The following CCSER1 variants were observed in gnomAD, a reference collection of about 807,000 sequenced individuals.
CCSER1 encodes the protein coiled-coil serine rich protein 1.
CCSER1 carries 41 observed loss-of-function variants against 82.0 expected under a neutral mutation model. That is an observed-to-expected ratio of 0.50 (90% CI 0.39 to 0.65). The LOEUF (loss-of-function observed/expected upper bound fraction) is 0.65. Ranked by LOEUF, CCSER1 falls within the 30% of genes least tolerant of loss-of-function variation. The pLI, the probability that CCSER1 is intolerant of heterozygous loss-of-function variation, is 0.00. For synonymous variants in CCSER1, 414 were observed against 383.9 expected (o/e 1.08, Z -0.92); for missense variants, 1,119 against 1,064.2 (o/e 1.05, Z -0.72).
chr4:90,620,023 T>A (rs1194854560), intron 5 of CCSER1, among the ~76,000 whole-genome samples: 1 of 152,144 alleles, frequency 6.6e-6, no homozygotes, highest in African/African-American at 2.4e-5. Flanking sequence ...GGAGTTTGTA[T>A]GATCAGTTTT....
intron 8 of CCSER1, among the ~76,000 whole-genome samples, chr4:90,854,635 A>G (rs1764259604): frequency 6.6e-6 from 1 of 152,020 alleles, no homozygotes; most frequent in Admixed American, 6.6e-5. Flanking sequence ...ATCATTTGAG[A>G]TATTTCCTTT....
At chr4:90,187,764 G>T (rs1400453907) in intron 1 of CCSER1, among the ~76,000 whole-genome samples, 1 of 151,930 alleles carries the variant, frequency 6.6e-6, no homozygotes, top group East Asian at 1.9e-4. Context: ...TGAATATAGT[G>T]TCTTGAAGGA....
chr4:90,866,085 G>A (rs527757391), intron 8 of CCSER1, among the ~76,000 whole-genome samples: 3 of 151,806 alleles, frequency 2.0e-5, no homozygotes, highest in South Asian at 4.2e-4. Flanking sequence ...CTCATGATTC[G>A]ATTACCTCCC....
At chr4:91,172,425 T>G (rs894954332) in intron 10 of CCSER1, among the ~76,000 whole-genome samples, 3 of 152,154 alleles carry the variant, frequency 2.0e-5, no homozygotes, top group African/African-American at 7.2e-5. Context: ...CCCAGAAACC[T>G]GAAAGCTCTG....
chr4:90,398,178 C>G (rs1294718865), intron 3 of CCSER1, among the ~76,000 whole-genome samples: 1 of 152,192 alleles, frequency 6.6e-6, no homozygotes, highest in Non-Finnish European at 1.5e-5. Context: ...TGTGTGCTGT[C>G]TGTGTCCTAA....
chr4:91,139,090 G>A (rs1477334391), intron 10 of CCSER1, among the ~76,000 whole-genome samples: 1 of 152,094 alleles, frequency 6.6e-6, no homozygotes, highest in Non-Finnish European at 1.5e-5. Context: ...ATGTCCCTGA[G>A]TACTCAGTGT....
intron 3 of CCSER1, among the ~76,000 whole-genome samples, chr4:90,366,533 T>C (rs1050447763): frequency 2.0e-5 from 3 of 151,812 alleles, no homozygotes; most frequent in African/African-American, 7.2e-5. Context: ...TTTTGAAATG[T>C]GCATACTCTA....
intron 10 of CCSER1, among the ~76,000 whole-genome samples, chr4:91,553,253 A>G (rs568170132): frequency 1.3e-5 from 2 of 151,570 alleles, no homozygotes; most frequent in Non-Finnish European, 3.0e-5. Flanking sequence ...ATCCCACTTG[A>G]TCATAGTGTA....
At position 90,206,256 on chromosome 4, in the gene CCSER1, C is replaced by T. The variant is rs150269495; in HGVS notation, c.-42+78425C>T. On this transcript the variant is annotated intron_variant, in intron 1 of 10. Transcript: ENST00000509176. ...TTCTGCTAGCTTTTGAATTTGTTTG[C>T]TCTTGCTTCTCTAGTTCTTTTAATA... Among the ~76,000 whole-genome samples, 1,079 of 152,118 alleles carry T rather than the reference C, an allele frequency of 7.1e-3. 6 individuals are homozygous for T. Among genetic ancestry groups the T allele is most frequent in the Non-Finnish European group, 0.01 (708 of 67,998 alleles).
At chr4:90,656,232 T>C (rs1219808460) in intron 6 of CCSER1, among the ~76,000 whole-genome samples, 1 of 151,914 alleles carries the variant, frequency 6.6e-6, no homozygotes, top group Non-Finnish European at 1.5e-5. Context: ...TTTTCTCCTT[T>C]GTGTCCTGCA....
At chr4:90,788,266 A>C (rs1754783420) in intron 7 of CCSER1, among the ~76,000 whole-genome samples, 1 of 152,116 alleles carries the variant, frequency 6.6e-6, no homozygotes, top group Non-Finnish European at 1.5e-5. Context: ...CAACTCAATT[A>C]CTTATATATG....
intron 1 of CCSER1, among the ~76,000 whole-genome samples, chr4:90,297,063 G>A (rs1371814423): frequency 6.6e-6 from 1 of 151,900 alleles, no homozygotes; most frequent in Non-Finnish European, 1.5e-5. Context: ...GATGGCATTG[G>A]ATCTATAAAT....
At chr4:91,000,692 T>C (rs1305492015) in intron 9 of CCSER1, among the ~76,000 whole-genome samples, 1 of 152,174 alleles carries the variant, frequency 6.6e-6, no homozygotes, top group Non-Finnish European at 1.5e-5. Context: ...GTAGCATTTG[T>C]AAATGGGATT....
chr4:90,661,611 C>T (rs1326631829), intron 6 of CCSER1, among the ~76,000 whole-genome samples: 2 of 152,064 alleles, frequency 1.3e-5, no homozygotes, highest in African/African-American at 4.8e-5. Context: ...GGAGAACCTC[C>T]CTGGGCTGAA....
chr4:90,467,171 G>C (rs1763748304), intron 4 of CCSER1, among the ~76,000 whole-genome samples: 3 of 151,874 alleles, frequency 2.0e-5, no homozygotes, highest in Admixed American at 2.0e-4. Context: ...CGTATCATGA[G>C]GTCAAGAGAT....
intron 10 of CCSER1, among the ~76,000 whole-genome samples, chr4:91,223,522 A>G (rs1199996754): frequency 6.6e-6 from 1 of 152,170 alleles, no homozygotes; most frequent in Admixed American, 6.6e-5. Flanking sequence ...CCAAAGGGGG[A>G]AAAATCACTC....
chr4:91,211,669 TG>T, intron 10 of CCSER1, among the ~76,000 whole-genome samples: 1 of 152,202 alleles, frequency 6.6e-6, no homozygotes, highest in Middle Eastern at 3.4e-3. Context: ...AGCTTTAGCT[TG>T]GGCAATGATA....
chr4:90,938,477 T>C (rs999469153), intron 9 of CCSER1, among the ~76,000 whole-genome samples: 1 of 152,080 alleles, frequency 6.6e-6, no homozygotes, highest in South Asian at 2.1e-4. Context: ...TAATTGGAAG[T>C]TGGGAGCCTA....
intron 1 of CCSER1, among the ~76,000 whole-genome samples, chr4:90,231,383 T>C (rs1744507615): frequency 6.6e-6 from 1 of 151,760 alleles, no homozygotes; most frequent in Admixed American, 6.6e-5. Context: ...CATGATTATC[T>C]CAATAGATGC....
Sources: gnomAD v4.1 joint callset for allele counts (sites outside exome capture counted in the v4.1 genomes callset) on GRCh38, gnomAD v4.1.1 for gene constraint, MANE v1.5 for transcripts, NCBI Gene and HGNC (gene_info 2026-07-23, HGNC 2026-07-21) for gene names.